The following NCMAP variants were observed in gnomAD, a reference collection of about 807,000 sequenced individuals.
NCMAP encodes the protein noncompact myelin-associated protein.
A neutral mutation model predicts 7.8 loss-of-function variants in NCMAP; 8 were observed. The observed-to-expected ratio is 1.02, with a 90% confidence interval of 0.60 to 1.84. The LOEUF is 1.84. Ranked by LOEUF, NCMAP falls within the 40% of genes most tolerant of loss-of-function variation. The pLI, the probability that NCMAP is intolerant of heterozygous loss-of-function variation, is 0.00. For missense variants in NCMAP, 112 were observed against 131.4 expected, an observed-to-expected ratio of 0.85 and a Z score of 0.72; for synonymous variants, 41 against 52.9, an observed-to-expected ratio of 0.78 and a Z score of 0.98.
intron 1 of NCMAP, among the ~76,000 whole-genome samples, chr1:24,557,044 G>T (rs561896195): frequency 6.6e-6 from 1 of 152,294 alleles, no homozygotes; most frequent in East Asian, 1.9e-4. Flanking sequence ...AACTCATAAA[G>T]TGTTTAATAC....
At chr1:24,599,834 C>G (rs796282667) in intron 2 of NCMAP, among the ~76,000 whole-genome samples, 913 of 68,556 alleles carry the variant, frequency 0.013, 6 homozygotes, top group East Asian at 0.024. Context: ...CCCCCCCCCC[C>G]CCCCCTTGGC....
chr1:24,597,317 A>T (rs1484342377), intron 2 of NCMAP, among the ~76,000 whole-genome samples: 2 of 151,786 alleles, frequency 1.3e-5, no homozygotes, highest in Non-Finnish European at 1.5e-5. Flanking sequence ...ACTGGCCAGC[A>T]TGGTAAAATC....
chr1:24,595,579 A>C (rs543354026), intron 2 of NCMAP, 67 bp downstream of exon 2: 2 of 1,305,320 alleles, frequency 1.5e-6, no homozygotes, highest in African/African-American at 1.5e-5. Flanking sequence ...CATAGTGCAG[A>C]GGTTAAGAGT....
In NCMAP at chr1:24,604,573, TAAAAAAAAAAAAAAAAAAAAAAAAAAAA is replaced by T. The variant is rs1159689184; in HGVS notation, c.168-1027_168-1000del. On this transcript the variant is annotated intron_variant, in intron 3 of 3. Transcript: ENST00000374392. ...CCTGGGCAACCAGGGTAAGACTGTC[TAAAAAAAAAAAAAAAAAAAAAAAAAAAA>T]AAAAATATATATATATATATATATA... 2.5e-3 allele frequency among the ~76,000 whole-genome samples: 28 copies of T among 11,058 alleles called. 5 individuals are homozygous for T. The highest frequency in any genetic ancestry group is 0.012 in the African/African-American group (26 of 2,242). 7.3% of individuals were successfully genotyped at this position (11,058 alleles called of 152,430 possible). A position where few individuals can be genotyped will look rare whatever the true frequency, so the allele number is the denominator to read the frequency against.
intron 2 of NCMAP, among the ~76,000 whole-genome samples, chr1:24,597,531 AGG>A (rs1652271948): frequency 3.1e-4 from 3 of 9,668 alleles, no homozygotes; most frequent in African/African-American, 4.3e-4. Flanking sequence ...GGGGGGGGGG[AGG>A]GGGAGGGGGA....
At chr1:24,590,467 G>T in intron 1 of NCMAP, among the ~76,000 whole-genome samples, 1 of 152,140 alleles carries the variant, frequency 6.6e-6, no homozygotes, top group East Asian at 1.9e-4. Context: ...GAAGGTTTAG[G>T]GAAATGCATG....
In NCMAP at chr1:24,559,035, G is replaced by GAT. The variant is rs1282874838; in HGVS notation, c.-8+2875_-8+2876dup. ...CATCTATTCACCTGACTTTTAAAAA[G>GAT]ATATATATATTTGATATTGAAGAGA... is the stretch of plus-strand genomic sequence containing the variant. On this transcript the variant is annotated intron_variant, in intron 1 of 3. Transcript: ENST00000374392. Among the ~76,000 whole-genome samples the GAT allele has an allele frequency of 1.6e-4, 25 of 152,100 alleles. 1 individual carries two copies. In the East Asian group the frequency reaches 2.7e-3, roughly 16 times the overall value.
At chr1:24,559,843 C>T (rs1024546591) in intron 1 of NCMAP, among the ~76,000 whole-genome samples, 4 of 152,216 alleles carry the variant, frequency 2.6e-5, no homozygotes, top group Non-Finnish European at 4.4e-5. Context: ...TAACCAGAGA[C>T]GATAGTACCC....
chr1:24,587,434 C>A (rs1276016109), intron 1 of NCMAP, among the ~76,000 whole-genome samples: 6 of 152,186 alleles, frequency 3.9e-5, no homozygotes, highest in African/African-American at 1.2e-4. Flanking sequence ...TGTGGTGATA[C>A]CAGCTACCCC....
At chr1:24,563,534 C>CAAAAAA (rs57911205) in intron 1 of NCMAP, 5 of 125,382 alleles carry the variant, frequency 4.0e-5, no homozygotes, top group Non-Finnish European at 6.9e-5. Flanking sequence ...AAAACAACAA[C>CAAAAAA]AAAAAAAAAA....
chr1:24,599,832 CCCCCCCCTT>C lies in NCMAP; in HGVS notation c.83-1107_83-1099del, dbSNP rs1557603567. 8.3e-3 allele frequency among the ~76,000 whole-genome samples: 784 copies of C among 94,700 alleles called. 34 individuals carry two copies. The highest frequency in any genetic ancestry group is 0.028 in the African/African-American group (748 of 26,626). 62.1% of individuals were successfully genotyped at this position (94,700 alleles called of 152,430 possible). A position where few individuals can be genotyped will look rare whatever the true frequency, so the allele number is the denominator to read the frequency against. Reference sequence around the variant, plus strand: ...ACCTCGTGATCCGCCCCCCCCCCCCCCCCCCCCTTGGCCTCCCAAAGTGCTGGGATTACA... The same window carrying C: ...ACCTCGTGATCCGCCCCCCCCCCCCCGGCCTCCCAAAGTGCTGGGATTACA... On this transcript the variant is annotated intron_variant, in intron 2 of 3. Coordinates refer to ENST00000374392, the MANE Select transcript of NCMAP (RefSeq NM_001010980.5).
At chr1:24,598,900 A>C in intron 2 of NCMAP, among the ~76,000 whole-genome samples, 1 of 150,964 alleles carries the variant, frequency 6.6e-6, no homozygotes, top group East Asian at 2.0e-4. Context: ...GGCCTCCTAG[A>C]GTGCTGGGAT....
In NCMAP at chr1:24,609,053, G is replaced by T. The variant is rs1000716527; in HGVS notation, c.*3306G>T. On this transcript the variant is annotated 3_prime_UTR_variant, in exon 4 of 4. Coordinates refer to ENST00000374392, the MANE Select transcript of NCMAP (RefSeq NM_001010980.5). ...GGGCGAGTCAAATAAAAGGATTTGA[G>T]TGTCTCGTTTTTGACTAATGAAGAT... 6.6e-6 allele frequency: 1 copy of T among 152,230 alleles called. No individual in the cohort carries two copies. Among genetic ancestry groups the T allele is most frequent in the African/African-American group, 2.4e-5 (1 of 41,460 alleles). 9.4% of individuals were successfully genotyped at this position (152,230 alleles called of 1,614,324 possible).
chr1:24,561,877 T>C (rs1651063380), intron 1 of NCMAP, among the ~76,000 whole-genome samples: 2 of 148,652 alleles, frequency 1.3e-5, no homozygotes. Flanking sequence ...GCCACCGCAC[T>C]CTACTCTGGG....
At chr1:24,596,547 G>C (rs754799508) in intron 2 of NCMAP, among the ~76,000 whole-genome samples, 4 of 152,034 alleles carry the variant, frequency 2.6e-5, no homozygotes, top group Admixed American at 6.6e-5. Flanking sequence ...GCCAGGCATG[G>C]TGGTGACGCT....
chr1:24,574,137 T>C (rs1339677759), intron 1 of NCMAP, among the ~76,000 whole-genome samples: 10 of 149,580 alleles, frequency 6.7e-5, no homozygotes, highest in Non-Finnish European at 1.3e-4. Flanking sequence ...GGTTTTTTTT[T>C]TTTAGACGGA....
At position 24,605,705 on chromosome 1, in the gene NCMAP, T is replaced by A. The variant is rs569090126; in HGVS notation, c.267T>A (p.Thr89=). Residue 89 remains threonine (T), a synonymous_variant, in exon 4 of 4, where the codon ACT becomes ACA. Coordinates refer to ENST00000374392, the MANE Select transcript of NCMAP (RefSeq NM_001010980.5). Reference sequence around the variant, plus strand: ...GCAACGGCAGCCAACACCCAGCAACTGTGACCTTCAGTCCTGTTGACGTCC... The same window carrying A: ...GCAACGGCAGCCAACACCCAGCAACAGTGACCTTCAGTCCTGTTGACGTCC... ...PNSNGSQHPA[T]VTFSPVDVQV... 1.2e-6 allele frequency: 2 copies of A among 1,614,172 alleles called. No individual in the cohort carries two copies. The highest frequency in any genetic ancestry group is 1.7e-5 in the Admixed American group (1 of 60,012).
At chr1:24,589,803 G>A (rs898407201) in intron 1 of NCMAP, among the ~76,000 whole-genome samples, 18 of 152,288 alleles carry the variant, frequency 1.2e-4, no homozygotes, top group African/African-American at 4.3e-4. Flanking sequence ...CGTAAGTGTG[G>A]ATAGTTAGCT....
At chr1:24,577,089 G>T in intron 1 of NCMAP, among the ~76,000 whole-genome samples, 1 of 152,066 alleles carries the variant, frequency 6.6e-6, no homozygotes, top group East Asian at 1.9e-4. Flanking sequence ...AGTGAGCCAA[G>T]ATTGCGCCAC....
Sources: allele counts gnomAD v4.1 joint callset (sites outside exome capture counted in the v4.1 genomes callset), GRCh38; gene constraint gnomAD v4.1.1; transcripts MANE v1.5; gene names NCBI Gene and HGNC (gene_info 2026-07-23, HGNC 2026-07-21).